Variants in STIL observed in about 807,000 individuals in gnomAD.
STIL encodes the protein SCL-interrupting locus protein.
STIL carries 55 observed loss-of-function variants against 110.1 expected under a neutral mutation model. The ratio of observed to expected loss-of-function variants is 0.50; its 90% CI spans 0.40 to 0.63. STIL has a LOEUF of 0.63. STIL is among the 20% of genes least tolerant of loss of function. The pLI is 0.00. For synonymous variants in STIL, 481 were observed against 530.0 expected, an observed-to-expected ratio of 0.91 and a Z score of 1.27; for missense variants, 1,358 against 1,530.0, an observed-to-expected ratio of 0.89 and a Z score of 1.87.
rs911140589 is a variant in STIL at position 47,290,697 on chromosome 1, C to G, written c.873-1112G>C. The stretch of plus-strand genomic sequence containing the variant: ...CAGCCCGGGCAACAGAGCAAGACTC[C>G]GTCTCAAAAAAAAAAAAAAAGAAAA... On this transcript the variant is annotated intron_variant, in intron 8 of 16. Transcript: ENST00000371877. Among the ~76,000 whole-genome samples the G allele has an allele frequency of 2.1e-5, 3 of 146,164 alleles. No individual in the cohort carries two copies. In the Admixed American group the frequency reaches 2.1e-4, roughly 10 times the overall value.
intron 10 of STIL, among the ~76,000 whole-genome samples, chr1:47,287,046 T>TAA (rs1645322701): frequency 6.6e-6 from 1 of 152,128 alleles, no homozygotes; most frequent in Non-Finnish European, 1.5e-5. Flanking sequence ...TATAGTAGTT[T>TAA]ATCTGATAGG....
At chr1:47,310,581 T>C in intron 1 of STIL, among the ~76,000 whole-genome samples, 1 of 152,192 alleles carries the variant, frequency 6.6e-6, no homozygotes, top group East Asian at 1.9e-4. Flanking sequence ...GGCAGCAAAA[T>C]CTACCAATAT....
intron 12 of STIL, among the ~76,000 whole-genome samples, chr1:47,279,409 G>A (rs923800307): frequency 1.3e-5 from 2 of 152,038 alleles, no homozygotes; most frequent in African/African-American, 4.8e-5. Flanking sequence ...GAGAAAGAGA[G>A]GAACACTGTT....
At chr1:47,259,309 TGAGTCTTGCTC>T (rs1644417048) in intron 16 of STIL, among the ~76,000 whole-genome samples, 1 of 91,770 alleles carries the variant, frequency 1.1e-5, no homozygotes, top group South Asian at 4.1e-4. Context: ...TTTTTTTGAC[TGAGTCTTGCTC>T]TGTCGTCCAG....
intron 10 of STIL, among the ~76,000 whole-genome samples, chr1:47,286,250 A>G (rs1026194881): frequency 1.3e-5 from 2 of 151,588 alleles, no homozygotes; most frequent in African/African-American, 4.8e-5. Context: ...TGCTCCACAT[A>G]TCTGCCTGCC....
intron 13 of STIL, among the ~76,000 whole-genome samples, chr1:47,270,233 A>AT (rs1557722186): frequency 3.2e-5 from 3 of 93,210 alleles, no homozygotes; most frequent in African/African-American, 1.6e-4. Flanking sequence ...GGCTCAAAAA[A>AT]AAAAAAAAAT....
intron 16 of STIL, among the ~76,000 whole-genome samples, chr1:47,253,273 C>G (rs1202051829): frequency 1.3e-5 from 2 of 152,146 alleles, no homozygotes; most frequent in African/African-American, 2.4e-5. Context: ...TCCCTTTCCC[C>G]TACTTTTTTG....
chr1:47,298,086 T>C (rs1404100821), intron 6 of STIL, among the ~76,000 whole-genome samples: 1 of 152,214 alleles, frequency 6.6e-6, no homozygotes, highest in Non-Finnish European at 1.5e-5. Flanking sequence ...CAATTTTTCC[T>C]TTGGGCCACT....
At chr1:47,308,588 T>C (rs1303699069) in intron 2 of STIL, among the ~76,000 whole-genome samples, 2 of 147,894 alleles carry the variant, frequency 1.4e-5, no homozygotes, top group Non-Finnish European at 3.0e-5. Flanking sequence ...ACACAGAGAG[T>C]AGAAGGATGG....
intron 10 of STIL, chr1:47,283,900 T>TTTG (rs1214063823): frequency 9.4e-6 from 1 of 106,110 alleles, no homozygotes; most frequent in African/African-American, 3.6e-5. Context: ...CTTTTTTTTT[T>TTTG]GCGGGGGGGT....
Position 47,251,509 on chromosome 1 carries a change from A to G in STIL, c.3494T>C (p.Leu1165Pro), listed in dbSNP as rs780930663. ...CTTAGAAGGCTCTTTCTGACCACCA[A>G]GCTGTTCAGGTATGGACCTAAGGTT... ...NQNLRSIPEQ[L>P]GGQKEPSKND... is the part of the protein sequence containing the mutation. The change falls in exon 17 of 17, where the codon CTT (leucine) becomes CCT (proline). Residue 1165 changes from leucine to proline, a missense_variant. By Grantham distance (98) the Leu-to-Pro change is moderately conservative. Coordinates refer to ENST00000371877, the MANE Select transcript of STIL (RefSeq NM_001048166.1). 1.3e-5 allele frequency: 21 copies of G among 1,614,222 alleles called. No individual in the cohort carries two copies. In the South Asian group the frequency reaches 2.1e-4, roughly 16 times the overall value.
intron 14 of STIL, 45 bp downstream of exon 14, chr1:47,269,590 T>G: frequency 6.7e-7 from 1 of 1,490,066 alleles, no homozygotes; most frequent in Non-Finnish European, 9.3e-7. Context: ...TCAAAAAAAA[T>G]TTTTTTTGAA....
At chr1:47,297,935 C>A (rs1313062862) in intron 6 of STIL, among the ~76,000 whole-genome samples, 4 of 152,184 alleles carry the variant, frequency 2.6e-5, no homozygotes, top group African/African-American at 9.6e-5. Flanking sequence ...CTAAAGAAAA[C>A]AAATTAATTT....
At chr1:47,276,635 CCT>C (rs1359296241) in intron 12 of STIL, among the ~76,000 whole-genome samples, 4 of 151,310 alleles carry the variant, frequency 2.6e-5, no homozygotes, top group Non-Finnish European at 4.4e-5. Context: ...TGGTGAAACC[CCT>C]GTCTCTACTA....
intron 3 of STIL, among the ~76,000 whole-genome samples, chr1:47,303,008 T>C (rs1258110877): frequency 2.0e-5 from 3 of 152,070 alleles, no homozygotes; most frequent in Non-Finnish European, 4.4e-5. Flanking sequence ...ATACAAAATA[T>C]AGTATGATTT....
intron 16 of STIL, 109 bp from the exon 17 acceptor site, chr1:47,252,031 A>T: frequency 8.6e-7 from 1 of 1,168,208 alleles, no homozygotes; most frequent in South Asian, 1.6e-5. Context: ...CTTTAAGTTC[A>T]TGGTCCTTTT....
At chr1:47,295,722 A>G (rs748731890) in intron 7 of STIL, 43 bp downstream of exon 7, 2 of 1,328,836 alleles carry the variant, frequency 1.5e-6, no homozygotes, top group Non-Finnish European at 2.2e-6. Context: ...TATACATTTG[A>G]ACATTTGGCT....
chr1:47,265,064 C>T (rs951927199), intron 14 of STIL, among the ~76,000 whole-genome samples: 1 of 150,592 alleles, frequency 6.6e-6, no homozygotes. Context: ...GGTGAAACAC[C>T]GTCTTCACTA....
chr1:47,262,820 G>T, intron 15 of STIL, 83 bp downstream of exon 15: 1 of 1,337,040 alleles, frequency 7.5e-7, no homozygotes, highest in Non-Finnish European at 1.1e-6. Context: ...GTCTCAATCA[G>T]TTTAAACCTA....
Sources: gnomAD v4.1 joint callset for allele counts (sites outside exome capture counted in the v4.1 genomes callset) on GRCh38, gnomAD v4.1.1 for gene constraint, MANE v1.5 for transcripts, NCBI Gene and HGNC (gene_info 2026-07-23, HGNC 2026-07-21) for gene names.